Variants in TNRC6C observed in about 807,000 individuals in gnomAD.
TNRC6C encodes trinucleotide repeat containing adaptor 6C.
TNRC6C carries 20 observed loss-of-function variants against 153.7 expected under a neutral mutation model. The ratio of observed to expected loss-of-function variants is 0.13; its 90% CI spans 0.09 to 0.19. The LOEUF is 0.19. Among genes scored for constraint, TNRC6C ranks in the 10% least tolerant of loss-of-function variants. TNRC6C has a pLI of 1.00. For synonymous variants in TNRC6C, 811 were observed against 841.4 expected, an observed-to-expected ratio of 0.96 and a Z score of 0.63; for missense variants, 1,987 against 2,172.0, an observed-to-expected ratio of 0.91 and a Z score of 1.69.
chr17:78,106,204 C>T lies in TNRC6C; in HGVS notation c.*1359C>T, dbSNP rs146493245. The stretch of plus-strand genomic sequence containing the variant: ...GTTTGGGCTCCCACCTGTTTACAGA[C>T]CTTTTTTTCTCCTTCAGACTTTAAA... On this transcript the variant is annotated 3_prime_UTR_variant, in exon 20 of 20. Coordinates refer to ENST00000301624, the Ensembl canonical transcript of TNRC6C. 147 of 151,168 alleles carry T rather than the reference C, an allele frequency of 9.7e-4. 1 individual carries two copies. The highest frequency in any genetic ancestry group is 3.5e-3 in the African/African-American group (143 of 41,116). The allele number at this position is 151,168 out of a possible 1,614,324, so 9.4% of individuals were successfully genotyped here.
chr17:78,022,825 A>G (rs1363863742), intron 1 of TNRC6C, among the ~76,000 whole-genome samples: 1 of 152,246 alleles, frequency 6.6e-6, no homozygotes, highest in Non-Finnish European at 1.5e-5. Flanking sequence ...CTGTCAATCA[A>G]AAATATTTGA....
At position 78,049,302 on chromosome 17, in the gene TNRC6C, T is replaced by C; in HGVS notation, c.240T>C (p.Asp80=). The C allele has an allele frequency of 6.2e-7, 1 of 1,613,904 alleles. No individual in the cohort carries two copies. The highest frequency in any genetic ancestry group is 8.5e-7 in the Non-Finnish European group (1 of 1,179,816). The change falls in exon 3 of 20, where the codon GAT becomes GAC. Residue 80 remains aspartate, a synonymous_variant. Transcript: ENST00000301624. This position sits in a 1 kb window ranked among gnomAD's most constrained non-coding sequence, Gnocchi z 4.1. ...GAAAAATGGACACTATGATTGGAGA[T>C]GGGAGAAGTCAGAATTGCTGGGGTG...
At chr17:78,064,609 T>A (rs2072835379) in intron 3 of TNRC6C, 113 bp from the exon 6 acceptor site, 1 of 992,810 alleles carries the variant, frequency 1.0e-6, no homozygotes, top group Non-Finnish European at 1.5e-6. Flanking sequence ...TACTAAAGGC[T>A]ATTCTAAGGA....
chr17:78,013,365 G>A (rs967975653), intron 1 of TNRC6C, among the ~76,000 whole-genome samples: 1 of 152,226 alleles, frequency 6.6e-6, no homozygotes, highest in African/African-American at 2.4e-5. Flanking sequence ...AGTTGGATCA[G>A]TGCATAGGTC....
intron 1 of TNRC6C, among the ~76,000 whole-genome samples, chr17:77,967,470 CTG>C (rs1241953932): frequency 1.3e-5 from 2 of 152,072 alleles, no homozygotes; most frequent in African/African-American, 4.8e-5. Context: ...TAACGATCAA[CTG>C]TGTTTTCAAC....
chr17:78,045,700 C>G (rs1032603110), intron 2 of TNRC6C, among the ~76,000 whole-genome samples: 1 of 152,164 alleles, frequency 6.6e-6, no homozygotes, highest in African/African-American at 2.4e-5. Flanking sequence ...TTGCCACGCC[C>G]TCAAGGAACT....
At chr17:78,010,482 A>G (rs1172611584) in intron 1 of TNRC6C, among the ~76,000 whole-genome samples, 3 of 152,232 alleles carry the variant, frequency 2.0e-5, no homozygotes, top group Admixed American at 6.5e-5. Flanking sequence ...TCCCAATTTT[A>G]TAGTCACACA....
At chr17:78,063,458 A>G (rs2072810188) in intron 3 of TNRC6C, among the ~76,000 whole-genome samples, 1 of 151,886 alleles carries the variant, frequency 6.6e-6, no homozygotes, top group Non-Finnish European at 1.5e-5. Flanking sequence ...GTATAAATGG[A>G]TCACTGAAGT....
At chr17:78,006,498 C>CT (rs1481767092) in intron 1 of TNRC6C, among the ~76,000 whole-genome samples, 5 of 12,436 alleles carry the variant, frequency 4.0e-4, no homozygotes, top group African/African-American at 1.4e-3. Context: ...CTTCTTTCTT[C>CT]TTCTTCTTCT....
chr17:77,971,793 T>G (rs1435779697), intron 1 of TNRC6C, among the ~76,000 whole-genome samples: 2 of 150,706 alleles, frequency 1.3e-5, no homozygotes. Flanking sequence ...AGAAATTAAG[T>G]AAGAGATTTC....
intron 1 of TNRC6C, among the ~76,000 whole-genome samples, chr17:77,981,076 A>G (rs1478458434): frequency 6.6e-6 from 1 of 152,056 alleles, no homozygotes; most frequent in Non-Finnish European, 1.5e-5. Context: ...CCTGGACTCA[A>G]GCCATCCTCC....
intron 1 of TNRC6C, among the ~76,000 whole-genome samples, chr17:78,029,830 C>CACA (rs1278363287): frequency 6.6e-6 from 1 of 151,792 alleles, no homozygotes; most frequent in Middle Eastern, 3.2e-3. Flanking sequence ...CACACACACA[C>CACA]ACACACATAA....
At chr17:77,975,425 G>A (rs2070985057) in intron 1 of TNRC6C, among the ~76,000 whole-genome samples, 1 of 152,174 alleles carries the variant, frequency 6.6e-6, no homozygotes, top group Non-Finnish European at 1.5e-5. Flanking sequence ...CAGTGTGCTG[G>A]AGGGAGAAAG....
upstream of TNRC6C, among the ~76,000 whole-genome samples, chr17:77,958,444 C>T (rs1194577140): frequency 6.6e-6 from 1 of 151,876 alleles, no homozygotes; most frequent in Non-Finnish European, 1.5e-5. Context: ...CCGCGCGGTG[C>T]AGGGAACCAC....
chr17:77,999,394 A>G (rs1334823906), upstream of TNRC6C, among the ~76,000 whole-genome samples: 2 of 152,206 alleles, frequency 1.3e-5, no homozygotes, highest in Non-Finnish European at 2.9e-5. Context: ...TGCCTTCCCT[A>G]CATTTTAACT....
intron 10 of TNRC6C, among the ~76,000 whole-genome samples, chr17:78,080,386 C>T (rs966831196): frequency 6.6e-6 from 1 of 152,052 alleles, no homozygotes; most frequent in African/African-American, 2.4e-5. Context: ...GTGGAGATTG[C>T]GGTGAGCCAA....
At chr17:78,051,032 A>C in exon 3 of TNRC6C, 1 of 1,613,206 alleles carries the variant, frequency 6.2e-7, no homozygotes, top group African/African-American at 1.3e-5. Context: ...AACTGGGGGG[A>C]GACTTTAAAA....
rs371444681 is a variant in TNRC6C, at chr17:78,061,701, A to G, written c.2396-3021A>G. ...ACCCCATCTCTATTAAATAAATATC[A>G]AAATGGAAATATTTGGTTTTTTAAT... On this transcript the variant is annotated intron_variant, in intron 3 of 19. Transcript: ENST00000301624. 7.2e-5 allele frequency among the ~76,000 whole-genome samples: 11 copies of G among 152,330 alleles called. No homozygotes were observed. In the East Asian group the frequency reaches 1.9e-3, roughly 27 times the overall value.
intron 1 of TNRC6C, among the ~76,000 whole-genome samples, chr17:77,974,833 CAG>C (rs2070974760): frequency 6.6e-6 from 1 of 152,156 alleles, no homozygotes; most frequent in Non-Finnish European, 1.5e-5. Context: ...GAGGAGAAAA[CAG>C]AGACCTAAAG....
Sources: gnomAD v4.1 joint callset for allele counts (sites outside exome capture counted in the v4.1 genomes callset) on GRCh38, gnomAD v4.1.1 for gene constraint, Gnocchi (gnomAD v3.1) non-coding constraint, MANE v1.5 for transcripts, NCBI Gene and HGNC (gene_info 2026-07-23, HGNC 2026-07-21) for gene names.